The following ARFGEF3 variants were observed in gnomAD, a reference collection of about 807,000 sequenced individuals.
ARFGEF3 encodes the protein brefeldin A-inhibited guanine nucleotide-exchange protein 3.
ARFGEF3 carries 96 observed loss-of-function variants against 221.7 expected under a neutral mutation model. The ratio of observed to expected loss-of-function variants is 0.43; its 90% CI spans 0.37 to 0.51. ARFGEF3 has a LOEUF of 0.51. Among genes scored for constraint, ARFGEF3 ranks in the 20% least tolerant of loss-of-function variants. The probability of loss-of-function intolerance (pLI) is 0.00; values close to 1 mark genes in which losing one functional copy is unlikely to be tolerated. For missense variants in ARFGEF3, 2,410 were observed against 2,789.9 expected, an observed-to-expected ratio of 0.86 and a Z score of 3.07; for synonymous variants, 1,145 against 1,126.8, an observed-to-expected ratio of 1.02 and a Z score of -0.32.
chr6:138,229,899 T>A (rs1282114029), intron 5 of ARFGEF3, 47 bp downstream of exon 5: 12 of 1,461,176 alleles, frequency 8.2e-6, no homozygotes, highest in African/African-American at 1.4e-5. Flanking sequence ...CTGCTTTATC[T>A]CTGACTGGGA....
At chr6:138,265,402 A>G (rs1778875438) in intron 12 of ARFGEF3, among the ~76,000 whole-genome samples, 1 of 151,800 alleles carries the variant, frequency 6.6e-6, no homozygotes, top group African/African-American at 2.4e-5. Context: ...TACCTAACAT[A>G]TTTTTTTCCT....
chr6:138,302,074 G>A (rs1303374862), intron 22 of ARFGEF3, among the ~76,000 whole-genome samples: 1 of 152,086 alleles, frequency 6.6e-6, no homozygotes, highest in Non-Finnish European at 1.5e-5. Flanking sequence ...AAAAATATGA[G>A]TGATGCAAAG....
intron 2 of ARFGEF3, among the ~76,000 whole-genome samples, chr6:138,203,160 G>C: frequency 8.9e-6 from 1 of 111,968 alleles, no homozygotes; most frequent in South Asian, 2.4e-4. Context: ...TTGTGTGTAT[G>C]TGTGTGTGTG....
chr6:138,237,632 G>T (rs543859295), intron 5 of ARFGEF3, among the ~76,000 whole-genome samples: 2 of 152,302 alleles, frequency 1.3e-5, no homozygotes, highest in South Asian at 4.1e-4. Context: ...TATTCACTTT[G>T]CAGGACACAG....
Position 138,292,062 on chromosome 6 carries a change from C to T in ARFGEF3, c.3368+9C>T, listed in dbSNP as rs999745299. ...TCCACGCAAGCCGACAGGTGCGCGG[C>T]GCCGGCCTCCCACGCCCCGGGAGCC... On this transcript the variant is annotated intron_variant, in intron 19 of 33. Coordinates refer to ENST00000251691, the MANE Select transcript of ARFGEF3 (RefSeq NM_020340.5). The T allele has an allele frequency of 1.6e-5, 23 of 1,409,412 alleles. No homozygotes were observed. The highest frequency in any genetic ancestry group is 1.1e-4 in the South Asian group (7 of 65,646). The allele number at this position is 1,409,412 out of a possible 1,614,324, so 87.3% of individuals were successfully genotyped here.
intron 20 of ARFGEF3, among the ~76,000 whole-genome samples, chr6:138,295,363 T>C (rs1187496741): frequency 6.6e-6 from 1 of 151,860 alleles, no homozygotes; most frequent in Non-Finnish European, 1.5e-5. Context: ...CTCATGCCTA[T>C]AATCCCAGCA....
At position 138,321,194 on chromosome 6, in the gene ARFGEF3, A is replaced by C; in HGVS notation, c.4735A>C (p.Thr1579Pro). ...LVACVAKPTETISRVGCSCIR... is the reference protein window; with the variant it reads ...LVACVAKPTEPISRVGCSCIR... ...CGCCTGTGTGGCCAAGCCCACTGAAACCATCTCCAGAGTGGGCTGCTCCTG... is the reference window on the plus strand; with the variant it reads ...CGCCTGTGTGGCCAAGCCCACTGAACCCATCTCCAGAGTGGGCTGCTCCTG... The change falls in exon 29 of 34, where the codon ACC (threonine) becomes CCC (proline). Residue 1579 changes from threonine (T) to proline (P), a missense_variant. Around this residue, in one of 5 missense-constraint regions of ARFGEF3, gnomAD observed 723 missense variants for 991.9 expected, o/e 0.73. Coordinates refer to ENST00000251691, the MANE Select transcript of ARFGEF3 (RefSeq NM_020340.5). 6.4e-7 allele frequency: 1 copy of C among 1,559,366 alleles called. No individual in the cohort carries two copies. Among genetic ancestry groups the C allele is most frequent in the African/African-American group, 1.4e-5 (1 of 73,704 alleles).
chr6:138,205,512 A>C (rs1016755714), intron 2 of ARFGEF3, among the ~76,000 whole-genome samples: 3 of 152,134 alleles, frequency 2.0e-5, no homozygotes, highest in Admixed American at 1.3e-4. Flanking sequence ...TAATTTTTCT[A>C]AGCTCTTAAA....
chr6:138,231,127 G>C (rs1271269547), intron 5 of ARFGEF3, among the ~76,000 whole-genome samples: 2 of 152,102 alleles, frequency 1.3e-5, no homozygotes, highest in African/African-American at 2.4e-5. Flanking sequence ...CAACAACCAG[G>C]TTTTGAATGA....
chr6:138,301,511 A>G (rs144909662), intron 22 of ARFGEF3, among the ~76,000 whole-genome samples: 245 of 152,330 alleles, frequency 1.6e-3, no homozygotes, highest in African/African-American at 5.4e-3. Flanking sequence ...ACAAGTGATG[A>G]ATTCATGGAG....
intron 8 of ARFGEF3, among the ~76,000 whole-genome samples, chr6:138,251,991 A>G (rs975438036): frequency 3.3e-5 from 5 of 152,146 alleles, no homozygotes; most frequent in Non-Finnish European, 7.4e-5. Flanking sequence ...AAGCCTAGAA[A>G]TGTGAAGTCC....
intron 4 of ARFGEF3, chr6:138,215,884 G>C (rs1294329075): frequency 1.8e-5 from 2 of 109,516 alleles, no homozygotes; most frequent in East Asian, 9.7e-4. Flanking sequence ...GTGTGTGTGT[G>C]TGTGAAAGAG....
intron 2 of ARFGEF3, among the ~76,000 whole-genome samples, chr6:138,190,558 T>C (rs1157240664): frequency 6.6e-6 from 1 of 152,216 alleles, no homozygotes; most frequent in Non-Finnish European, 1.5e-5. Flanking sequence ...TATCTGAGGC[T>C]AAATTTAATG....
At chr6:138,298,564 C>G in intron 21 of ARFGEF3, 42 bp from the exon 22 acceptor site, 1 of 1,554,770 alleles carries the variant, frequency 6.4e-7, no homozygotes, top group Non-Finnish European at 8.8e-7. Flanking sequence ...TTCTCACTGT[C>G]TGCTGTCCTG....
At chr6:138,308,352 T>C (rs1319868544) in intron 23 of ARFGEF3, among the ~76,000 whole-genome samples, 1 of 152,202 alleles carries the variant, frequency 6.6e-6, no homozygotes, top group East Asian at 1.9e-4. Context: ...CCTTCTGTGC[T>C]CTTTTTCTGC....
At chr6:138,285,136 G>GA (rs1779262879) in intron 14 of ARFGEF3, among the ~76,000 whole-genome samples, 1 of 152,110 alleles carries the variant, frequency 6.6e-6, no homozygotes, top group Non-Finnish European at 1.5e-5. Flanking sequence ...ATGATCAAGT[G>GA]AAAAAATGTT....
At chr6:138,265,501 A>G (rs959949291) in intron 12 of ARFGEF3, among the ~76,000 whole-genome samples, 3 of 152,180 alleles carry the variant, frequency 2.0e-5, no homozygotes, top group Non-Finnish European at 4.4e-5. Flanking sequence ...TTGGAAGACT[A>G]GGAAAATGTA....
At chr6:138,236,702 C>G (rs1778294908) in intron 5 of ARFGEF3, among the ~76,000 whole-genome samples, 2 of 152,158 alleles carry the variant, frequency 1.3e-5, no homozygotes, top group Non-Finnish European at 2.9e-5. Flanking sequence ...CTCTTGGGCT[C>G]AAGCGATCCA....
chr6:138,183,504 GGA>G (rs1485080206), intron 2 of ARFGEF3, among the ~76,000 whole-genome samples: 1 of 152,138 alleles, frequency 6.6e-6, no homozygotes, highest in African/African-American at 2.4e-5. Flanking sequence ...GGAGGGGTCT[GGA>G]GAGAGTGATG....
Sources: allele counts gnomAD v4.1 joint callset (sites outside exome capture counted in the v4.1 genomes callset), GRCh38; gene constraint gnomAD v4.1.1; regional missense constraint gnomAD v4.1.1; transcripts MANE v1.5; gene names NCBI Gene and HGNC (gene_info 2026-07-23, HGNC 2026-07-21).